The following RARS2 variants were observed in gnomAD, a reference collection of about 807,000 sequenced individuals.
RARS2 encodes arginyl-tRNA synthetase 2, mitochondrial, also known as probable arginine--tRNA ligase, mitochondrial.
In RARS2, 67 loss-of-function variants were observed where a neutral mutation model predicts 88.5. That is an observed-to-expected ratio of 0.76 (90% confidence interval 0.62 to 0.93). The LOEUF (loss-of-function observed/expected upper bound fraction) is 0.93. RARS2 is among the 40% of genes least tolerant of loss of function. The probability of loss-of-function intolerance (pLI) is 0.00; values close to 1 mark genes in which losing one functional copy is unlikely to be tolerated. For missense variants in RARS2, 664 were observed against 684.2 expected, an observed-to-expected ratio of 0.97 and a Z score of 0.33; for synonymous variants, 239 against 230.3, an observed-to-expected ratio of 1.04 and a Z score of -0.34.
rs1783743257 is a variant in RARS2 at position 87,549,605 on chromosome 6, C to A, written c.396-959G>T. ...TATGCATAAAACCTCCCAGAACAAT[C>A]AGAATGTGGCTCACCACTCCAAATT... On this transcript the variant is annotated intron_variant, in intron 5 of 19. Transcript: ENST00000369536. Among the ~76,000 whole-genome samples the A allele has an allele frequency of 4.6e-5, 7 of 151,212 alleles. No individual in the cohort carries two copies. In the South Asian group the frequency reaches 1.5e-3, roughly 32 times the overall value.
At chr6:87,520,286 G>A (rs761970133) in intron 12 of RARS2, 30 bp from the exon 13 acceptor site, 3 of 1,477,346 alleles carry the variant, frequency 2.0e-6, no homozygotes, top group Non-Finnish European at 2.8e-6. Flanking sequence ...TAAAATAAAA[G>A]AATACTGACA....
chr6:87,589,683 G>A lies in RARS2; in HGVS notation c.36+239C>T, dbSNP rs182722815. 38 of 985,360 alleles carry A rather than the reference G, an allele frequency of 3.9e-5. 2 individuals carry two copies. The Admixed American group carries it at 2.0e-3, about 53-fold the overall frequency. The allele number at this position is 985,360 out of a possible 1,614,324, so 61.0% of individuals were successfully genotyped here. ...TCATAGCTGTGGGGTGGGAAGGAGA[G>A]AAGAAAGCACCAGGTACCTTTCAAA... On this transcript the variant is annotated intron_variant, in intron 1 of 19. Coordinates refer to ENST00000369536, the MANE Select transcript of RARS2 (RefSeq NM_020320.5).
chr6:87,553,732 T>C (rs1785007721), intron 5 of RARS2, among the ~76,000 whole-genome samples: 1 of 152,228 alleles, frequency 6.6e-6, no homozygotes, highest in African/African-American at 2.4e-5. Context: ...TTAGTGTAGT[T>C]CCTCTCTAGT....
At chr6:87,515,219 C>T (rs1177524540) in intron 18 of RARS2, among the ~76,000 whole-genome samples, 199 bp from the exon 19 acceptor site, 1 of 152,162 alleles carries the variant, frequency 6.6e-6, no homozygotes, top group Non-Finnish European at 1.5e-5. Flanking sequence ...AAGAGGTGGG[C>T]AATTCTTAAG....
intron 1 of RARS2, among the ~76,000 whole-genome samples, chr6:87,569,894 A>T (rs1258266725): frequency 2.1e-5 from 3 of 141,478 alleles, no homozygotes; most frequent in South Asian, 2.2e-4. Context: ...TTCGTAAATT[A>T]AAAAAAAAAA....
At chr6:87,519,818 A>C (rs574235195) in intron 13 of RARS2, 111 bp from the exon 14 acceptor site, 1 of 1,249,558 alleles carries the variant, frequency 8.0e-7, no homozygotes, top group East Asian at 2.4e-5. Flanking sequence ...CAGAGTTTTT[A>C]AAAATTAATA....
At chr6:87,525,080 C>G (rs546495230) in intron 10 of RARS2, among the ~76,000 whole-genome samples, 1 of 152,272 alleles carries the variant, frequency 6.6e-6, no homozygotes, top group African/African-American at 2.4e-5. Context: ...TCCTGTATGA[C>G]CAAAATTTGG....
intron 8 of RARS2, among the ~76,000 whole-genome samples, chr6:87,541,415 A>T (rs1780909632): frequency 6.6e-6 from 1 of 152,210 alleles, no homozygotes; most frequent in Non-Finnish European, 1.5e-5. Flanking sequence ...GGTGTCAAGC[A>T]ATCCTCCTGC....
rs151226680 is a variant in RARS2, at chr6:87,553,002, G to C, written c.395+2406C>G. ...AAAGACATGAATGAAAATAATCAAAGATGACCACAAATTCTTTGCTTCTCT... is the reference window on the plus strand; with the variant it reads ...AAAGACATGAATGAAAATAATCAAACATGACCACAAATTCTTTGCTTCTCT... On this transcript the variant is annotated intron_variant, in intron 5 of 19. Transcript: ENST00000369536. Among the ~76,000 whole-genome samples the C allele has an allele frequency of 3.5e-4, 54 of 152,242 alleles. No individual in the cohort carries two copies. The East Asian group carries it at 9.3e-3, about 26-fold the overall frequency.
intron 1 of RARS2, among the ~76,000 whole-genome samples, chr6:87,576,044 C>G (rs1375847045): frequency 6.7e-6 from 1 of 150,116 alleles, no homozygotes. Flanking sequence ...AAGTGATCCA[C>G]CCGCCTCGGC....
intron 2 of RARS2, among the ~76,000 whole-genome samples, chr6:87,569,099 A>G (rs981395545): frequency 6.6e-6 from 1 of 152,182 alleles, no homozygotes; most frequent in African/African-American, 2.4e-5. Context: ...AAACAACATT[A>G]AAAACCTAGT....
At chr6:87,583,915 A>G (rs1432807362) in intron 1 of RARS2, among the ~76,000 whole-genome samples, 1 of 152,218 alleles carries the variant, frequency 6.6e-6, no homozygotes, top group African/African-American at 2.4e-5. Flanking sequence ...TGAAAATTTC[A>G]AGTACTGTAC....
intron 9 of RARS2, among the ~76,000 whole-genome samples, chr6:87,530,118 C>T (rs1359167319): frequency 6.6e-6 from 1 of 152,098 alleles, no homozygotes; most frequent in Non-Finnish European, 1.5e-5. Context: ...CTTAAGGAGA[C>T]GGCCACAGAT....
intron 4 of RARS2, among the ~76,000 whole-genome samples, chr6:87,557,458 G>A (rs1786334996): frequency 6.6e-6 from 1 of 152,142 alleles, no homozygotes; most frequent in South Asian, 2.1e-4. Flanking sequence ...TCCTTTTTAT[G>A]TAATGAATGG....
At chr6:87,530,185 T>A (rs1777010010) in intron 9 of RARS2, among the ~76,000 whole-genome samples, 1 of 152,158 alleles carries the variant, frequency 6.6e-6, no homozygotes, top group African/African-American at 2.4e-5. Flanking sequence ...AATCCTAGAA[T>A]CATGCCCCAT....
intron 8 of RARS2, among the ~76,000 whole-genome samples, chr6:87,538,547 T>C (rs1051365306): frequency 3.3e-5 from 5 of 152,134 alleles, no homozygotes; most frequent in African/African-American, 7.2e-5. Flanking sequence ...ATTTAAAATA[T>C]TGTACAGCCT....
At chr6:87,566,354 C>G (rs1177361861) in intron 2 of RARS2, among the ~76,000 whole-genome samples, 1 of 152,142 alleles carries the variant, frequency 6.6e-6, no homozygotes, top group Non-Finnish European at 1.5e-5. Flanking sequence ...AAAAATACAT[C>G]AACTTGCTAA....
In RARS2 at chr6:87,530,811, G is replaced by A; in HGVS notation, c.744C>T (p.Ser248=). 6.2e-7 allele frequency: 1 copy of A among 1,614,172 alleles called. No homozygotes were observed. ...LSLWQKFRDL[S]IEEYIRVYKR... is the part of the protein sequence containing the mutation. The stretch of plus-strand genomic sequence containing the variant: ...TGTAAACCCGAATGTACTCTTCAAT[G>A]CTCAAGTCCCGAAATTTTTGCCACA... The change falls in exon 9 of 20, where the codon AGC becomes AGT. Residue 248 remains serine, a synonymous_variant. Coordinates refer to ENST00000369536, the MANE Select transcript of RARS2 (RefSeq NM_020320.5).
intron 1 of RARS2, among the ~76,000 whole-genome samples, chr6:87,587,900 A>G (rs1267114585): frequency 6.6e-6 from 1 of 152,116 alleles, no homozygotes; most frequent in Non-Finnish European, 1.5e-5. Flanking sequence ...CTTCCCAAGC[A>G]GCTGGGACCA....
Sources: gnomAD v4.1 joint callset for allele counts (sites outside exome capture counted in the v4.1 genomes callset) on GRCh38, gnomAD v4.1.1 for gene constraint, MANE v1.5 for transcripts, NCBI Gene and HGNC (gene_info 2026-07-23, HGNC 2026-07-21) for gene names.